DIS3: variants seen among roughly 807,000 people sequenced by gnomAD.
The protein encoded by DIS3 is DIS3 exosome endoribonuclease and 3'-5' exoribonuclease, also known as exosome complex exonuclease RRP44.
A neutral mutation model predicts 113.0 loss-of-function variants in DIS3; 103 were observed. The ratio of observed to expected loss-of-function variants is 0.91; its 90% confidence interval spans 0.78 to 1.07. DIS3 has a LOEUF of 1.07. Among genes scored for constraint, DIS3 ranks in the 50% least tolerant of loss-of-function variants. DIS3 has a pLI of 0.00. For synonymous variants in DIS3, 402 were observed against 394.3 expected (o/e 1.02, Z -0.23); for missense variants, 1,121 against 1,167.1 (o/e 0.96, Z 0.58).
intron 16 of DIS3, among the ~76,000 whole-genome samples, chr13:72,762,431 C>G (rs1462901019): frequency 2.0e-5 from 3 of 152,154 alleles, no homozygotes; most frequent in Non-Finnish European, 4.4e-5. Flanking sequence ...GAAAAAATCC[C>G]TATTTACAGA....
At position 72,781,892 on chromosome 13, in the gene DIS3, C is replaced by T. The variant is rs1407598411; in HGVS notation, c.-60G>A. Reference sequence around the variant, plus strand: ...CGCTCTTCCAGCAAAAGGCGTCAATCTAGAATACGCCTAACCCCGGAGGTT... The same window carrying T: ...CGCTCTTCCAGCAAAAGGCGTCAATTTAGAATACGCCTAACCCCGGAGGTT... On this transcript the variant is annotated 5_prime_UTR_variant, in exon 1 of 21. Transcript: ENST00000377767. The T allele has an allele frequency of 2.1e-6, 3 of 1,421,308 alleles. No individual in the cohort carries two copies. Among genetic ancestry groups the T allele is most frequent in the South Asian group, 1.4e-5 (1 of 72,010 alleles). The allele number at this position is 1,421,308 out of a possible 1,614,324, so 88.0% of individuals were successfully genotyped here. A position where few individuals can be genotyped will look rare whatever the true frequency, so the allele number is the denominator to read the frequency against.
At position 72,771,161 on chromosome 13, in the gene DIS3, ATAGAACCACAGATTACT is replaced by A; in HGVS notation, c.1606-33_1606-17del. 1 of 1,605,838 alleles carries A rather than the reference ATAGAACCACAGATTACT, an allele frequency of 6.2e-7. No homozygotes were observed. Among genetic ancestry groups the A allele is most frequent in the African/African-American group, 1.3e-5 (1 of 74,808 alleles). On this transcript the variant is annotated splice_polypyrimidine_tract_variant and intron_variant, in intron 11 of 20. Transcript: ENST00000377767. ...TGTCAATCCTCTGCAAAAGATAAAA[ATAGAACCACAGATTACT>A]TAGCCATAACCATACATTTATGTGA...
chr13:72,763,730 C>T (rs781448181), intron 15 of DIS3, 123 bp from the exon 16 acceptor site: 18 of 914,716 alleles, frequency 2.0e-5, no homozygotes, highest in Non-Finnish European at 2.9e-5. Context: ...TGTAAACATT[C>T]ATATGTGTGT....
intron 17 of DIS3, 25 bp from the exon 18 acceptor site, chr13:72,761,839 C>G (rs1283378871): frequency 6.2e-7 from 1 of 1,609,186 alleles, no homozygotes; most frequent in Admixed American, 1.7e-5. Flanking sequence ...AAATAAGAAC[C>G]ATGGTATGTC....
chr13:72,758,074 T>C lies in DIS3; in HGVS notation c.*1721A>G, dbSNP rs2033534380. 5.3e-6 allele frequency: 1 copy of C among 187,658 alleles called. No individual in the cohort carries two copies. Among genetic ancestry groups the C allele is most frequent in the Non-Finnish European group, 1.1e-5 (1 of 88,914 alleles). The allele number at this position is 187,658 out of a possible 1,614,324, so 11.6% of individuals were successfully genotyped here. On this transcript the variant is annotated 3_prime_UTR_variant, in exon 21 of 21. Transcript: ENST00000377767. ...ACTTGTTCATGGTAAATGTCCTAAA[T>C]AGGTGTACCATTTTATATCTTATAT...
At position 72,758,461 on chromosome 13, in the gene DIS3, G is replaced by A. The variant is rs1593831606; in HGVS notation, c.*1334C>T. ...ATATGGCTCCTTACACACTATCAAC[G>A]GCAGAGTTGTGTACTATAGTTGCAA... On this transcript the variant is annotated 3_prime_UTR_variant, in exon 21 of 21. Coordinates refer to ENST00000377767, the MANE Select transcript of DIS3 (RefSeq NM_014953.5). 2 of 202,586 alleles carry A rather than the reference G, an allele frequency of 9.9e-6. No homozygotes were observed. The highest frequency in any genetic ancestry group is 6.0e-5 in the Admixed American group (1 of 16,720). 12.5% of individuals were successfully genotyped at this position (202,586 alleles called of 1,614,324 possible). A position where few individuals can be genotyped will look rare whatever the true frequency, so the allele number is the denominator to read the frequency against.
chr13:72,759,259 C>T lies in DIS3; in HGVS notation c.*536G>A, dbSNP rs2033567474. 5.0e-6 allele frequency: 1 copy of T among 201,786 alleles called. No individual in the cohort carries two copies. The highest frequency in any genetic ancestry group is 7.6e-5 in the East Asian group (1 of 13,120). 12.5% of individuals were successfully genotyped at this position (201,786 alleles called of 1,614,324 possible). ...CCAAACATTCACAGTTTTTCAAGGA[C>T]CACTAATAAAATACAGGAAGCTTTT... On this transcript the variant is annotated 3_prime_UTR_variant, in exon 21 of 21. Coordinates refer to ENST00000377767, the MANE Select transcript of DIS3 (RefSeq NM_014953.5).
intron 3 of DIS3, 84 bp from the exon 4 acceptor site, chr13:72,777,577 T>C: frequency 1.8e-6 from 2 of 1,125,274 alleles, no homozygotes; most frequent in Non-Finnish European, 2.6e-6. Flanking sequence ...TGCGACAGTA[T>C]ACACGTCATT....
rs1037301287 is a variant in DIS3, at chr13:72,781,884, G to A, written c.-52C>T. The A allele has an allele frequency of 3.4e-6, 5 of 1,465,156 alleles. No homozygotes were observed. Among genetic ancestry groups the A allele is most frequent in the Admixed American group, 2.4e-5 (1 of 42,016 alleles). 90.8% of individuals were successfully genotyped at this position (1,465,156 alleles called of 1,614,324 possible). ...CCCAGCAGCGCTCTTCCAGCAAAAG[G>A]CGTCAATCTAGAATACGCCTAACCC... On this transcript the variant is annotated 5_prime_UTR_variant, in exon 1 of 21. Coordinates refer to ENST00000377767, the MANE Select transcript of DIS3 (RefSeq NM_014953.5).
rs1267672871 is a variant in DIS3, at chr13:72,755,636, A to T, written c.*4159T>A. ...AAAAGCTTGAACATACAGATGAATT[A>T]TAACCTATGTGAAGAAATCTTAGAT... On this transcript the variant is annotated 3_prime_UTR_variant, in exon 21 of 21. Transcript: ENST00000377767. 1 of 372,850 alleles carries T rather than the reference A, an allele frequency of 2.7e-6. No homozygotes were observed. The allele number at this position is 372,850 out of a possible 1,614,324, so 23.1% of individuals were successfully genotyped here.
chr13:72,764,690 C>T (rs1276558015), intron 15 of DIS3, among the ~76,000 whole-genome samples: 1 of 152,150 alleles, frequency 6.6e-6, no homozygotes, highest in African/African-American at 2.4e-5. Flanking sequence ...TCAATGAACA[C>T]ATATTATTAA....
At chr13:72,781,317 C>A in intron 1 of DIS3, 1 of 1,551,098 alleles carries the variant, frequency 6.4e-7, no homozygotes, top group Non-Finnish European at 8.7e-7. Flanking sequence ...AGGCTGGAGG[C>A]CACAGAAGCC....
chr13:72,772,846 C>G lies in DIS3; in HGVS notation c.1240-7G>C. 1 of 1,583,758 alleles carries G rather than the reference C, an allele frequency of 6.3e-7. No individual in the cohort carries two copies. On this transcript the variant is annotated splice_polypyrimidine_tract_variant and splice_region_variant and intron_variant, in intron 8 of 20. Coordinates refer to ENST00000377767, the MANE Select transcript of DIS3 (RefSeq NM_014953.5). ...AATTTCTCACAAAGTGTCCCTGAAA[C>G]CAAGAGGCATTATTAGAAACGCCTA...
In DIS3 at chr13:72,753,443, C is replaced by T. The variant is rs2033335876; in HGVS notation, c.*6352G>A. The T allele has an allele frequency of 6.2e-6, 2 of 322,204 alleles. No individual in the cohort carries two copies. Among genetic ancestry groups the T allele is most frequent in the Non-Finnish European group, 1.1e-5 (2 of 177,714 alleles). The allele number at this position is 322,204 out of a possible 1,614,324, so 20.0% of individuals were successfully genotyped here. ...GAAAGCATTGTGTCAGTAGGCTGTT[C>T]ACTGATTCTTAAGGAAGTTACAAGA... On this transcript the variant is annotated 3_prime_UTR_variant, in exon 21 of 21. Transcript: ENST00000377767.
chr13:72,781,778 T>C lies in DIS3; in HGVS notation c.55A>G (p.Ile19Val), dbSNP rs2034245618. The change falls in exon 1 of 21, where the codon ATC becomes GTC. Residue 19 changes from isoleucine (I) to valine (V), a missense_variant. Around this residue, in one of 3 missense-constraint regions of DIS3, gnomAD observed 254 missense variants for 232.2 expected, o/e 1.09. Coordinates refer to ENST00000377767, the MANE Select transcript of DIS3 (RefSeq NM_014953.5). ...KKTRAGGVMK[I>V]VREHYLRDDI... Reference sequence around the variant, plus strand: ...TCTCGCAGGTAGTGCTCGCGCACGATCTTCATCACGCCGCCCGCCCGGGTC... The same window carrying C: ...TCTCGCAGGTAGTGCTCGCGCACGACCTTCATCACGCCGCCCGCCCGGGTC... 1 of 1,605,318 alleles carries C rather than the reference T, an allele frequency of 6.2e-7. No homozygotes were observed. The highest frequency in any genetic ancestry group is 1.1e-5 in the South Asian group (1 of 89,690).
chr13:72,771,192 A>G, intron 11 of DIS3, 47 bp from the exon 12 acceptor site: 1 of 1,460,698 alleles, frequency 6.8e-7, no homozygotes, highest in Non-Finnish European at 9.5e-7. Context: ...CCATAACCAT[A>G]CATTTATGTG....
intron 2 of DIS3, among the ~76,000 whole-genome samples, chr13:72,779,209 C>T (rs2034095218): frequency 2.0e-5 from 3 of 151,764 alleles, no homozygotes; most frequent in South Asian, 4.2e-4. Flanking sequence ...CAACCTCTAC[C>T]TCCGGGTTCA....
chr13:72,761,346 C>T lies in DIS3; in HGVS notation c.2670+17G>A. 12 of 1,580,186 alleles carry T rather than the reference C, an allele frequency of 7.6e-6. No homozygotes were observed. Among genetic ancestry groups the T allele is most frequent in the Non-Finnish European group, 9.4e-6 (11 of 1,171,602 alleles). On this transcript the variant is annotated intron_variant, in intron 19 of 20. Transcript: ENST00000377767. Reference sequence around the variant, plus strand: ...AGTGCCCCCCGGAAAAGAAAACAAACATGAGAAATACCGTACCTCATCATC... The same window carrying T: ...AGTGCCCCCCGGAAAAGAAAACAAATATGAGAAATACCGTACCTCATCATC...
chr13:72,770,630 T>C (rs1030305828), intron 13 of DIS3, among the ~76,000 whole-genome samples: 4 of 152,190 alleles, frequency 2.6e-5, no homozygotes, highest in Non-Finnish European at 5.9e-5. Flanking sequence ...TTAGTGTAAA[T>C]TTAAGTGCAT....
Sources: allele counts gnomAD v4.1 joint callset (sites outside exome capture counted in the v4.1 genomes callset), GRCh38; gene constraint gnomAD v4.1.1; regional missense constraint gnomAD v4.1.1; transcripts MANE v1.5; gene names NCBI Gene and HGNC (gene_info 2026-07-23, HGNC 2026-07-21).